LY75: variants seen among roughly 807,000 people sequenced by gnomAD.
LY75 encodes the protein C-type lectin domain family 13 member B.
In LY75, 185 loss-of-function variants were observed where a neutral mutation model predicts 231.7. The observed-to-expected ratio is 0.80, with a 90% CI of 0.71 to 0.90. LY75 has a LOEUF of 0.90. LY75 is among the 40% of genes least tolerant of loss of function. The pLI, the probability that LY75 is intolerant of heterozygous loss-of-function variation, is 0.00. For synonymous variants in LY75, 668 were observed against 689.0 expected, an observed-to-expected ratio of 0.97 and a Z score of 0.48; for missense variants, 1,947 against 2,050.2, an observed-to-expected ratio of 0.95 and a Z score of 0.97.
At chr2:159,877,727 G>A (rs529817099) in intron 11 of LY75, among the ~76,000 whole-genome samples, 1 of 151,962 alleles carries the variant, frequency 6.6e-6, no homozygotes, top group East Asian at 1.9e-4. Context: ...AAAGTAGCTG[G>A]GCATGTTGGC....
intron 8 of LY75, among the ~76,000 whole-genome samples, chr2:159,880,688 C>T (rs953522629): frequency 1.3e-5 from 2 of 152,202 alleles, no homozygotes; most frequent in African/African-American, 4.8e-5. Flanking sequence ...TGTTGCCAAC[C>T]TTTGACACCA....
At chr2:159,883,578 T>C (rs964484815) in intron 6 of LY75, among the ~76,000 whole-genome samples, 4 of 152,218 alleles carry the variant, frequency 2.6e-5, no homozygotes, top group African/African-American at 9.6e-5. Flanking sequence ...TCTTTGTATT[T>C]TCCTGCTGGC....
chr2:159,857,263 T>A (rs1334481924), intron 16 of LY75, among the ~76,000 whole-genome samples: 1 of 152,252 alleles, frequency 6.6e-6, no homozygotes, highest in African/African-American at 2.4e-5. Context: ...GAAGCTCTTT[T>A]AACTATTTTA....
intron 23 of LY75, among the ~76,000 whole-genome samples, chr2:159,844,170 G>C (rs999621848): frequency 6.6e-6 from 1 of 151,998 alleles, no homozygotes; most frequent in Non-Finnish European, 1.5e-5. Flanking sequence ...TCTATGAAGA[G>C]AGAGGAACAC....
chr2:159,899,835 G>A (rs925187605), intron 1 of LY75, among the ~76,000 whole-genome samples: 7 of 152,198 alleles, frequency 4.6e-5, no homozygotes, highest in Admixed American at 6.5e-5. Flanking sequence ...CAGAGGTCTG[G>A]GTTCTGAGGG....
chr2:159,852,712 C>G (rs1328801782), intron 20 of LY75, among the ~76,000 whole-genome samples: 1 of 152,196 alleles, frequency 6.6e-6, no homozygotes, highest in African/African-American at 2.4e-5. Flanking sequence ...AGCCACCGTG[C>G]CCGGCCAAGT....
At chr2:159,843,333 T>A (rs13389558) in intron 23 of LY75, among the ~76,000 whole-genome samples, 7,174 of 152,146 alleles carry the variant, frequency 0.047, 516 homozygotes, top group African/African-American at 0.16. Context: ...GGAGATTTTT[T>A]AAATACCATA....
intron 25 of LY75, among the ~76,000 whole-genome samples, chr2:159,836,261 C>T (rs1019109002): frequency 3.3e-5 from 5 of 152,104 alleles, no homozygotes; most frequent in East Asian, 1.9e-4. Context: ...GTGTAAAGCC[C>T]GCAACCCAGG....
chr2:159,857,328 G>C (rs980314492), intron 16 of LY75, among the ~76,000 whole-genome samples: 1 of 152,174 alleles, frequency 6.6e-6, no homozygotes, highest in African/African-American at 2.4e-5. Flanking sequence ...GGTTCTTTGA[G>C]AACTTGTAGG....
intron 33 of LY75, chr2:159,807,689 T>G: frequency 1.0e-6 from 1 of 979,334 alleles, no homozygotes; most frequent in Non-Finnish European, 1.2e-6. Flanking sequence ...ATGGACAACT[T>G]GGAATCCTTT....
chr2:159,814,183 G>A (rs537146200), intron 31 of LY75, among the ~76,000 whole-genome samples: 6 of 152,196 alleles, frequency 3.9e-5, no homozygotes, highest in East Asian at 3.9e-4. Context: ...TGCAGTCCCC[G>A]GTAGTTTGTT....
At chr2:159,890,914 C>T (rs1295646138) in intron 3 of LY75, among the ~76,000 whole-genome samples, 2 of 152,106 alleles carry the variant, frequency 1.3e-5, no homozygotes, top group Non-Finnish European at 2.9e-5. Context: ...ATGTAATTCA[C>T]ATTACATATG....
At chr2:159,858,551 T>C in intron 15 of LY75, 75 bp from the exon 16 acceptor site, 1 of 1,468,680 alleles carries the variant, frequency 6.8e-7, no homozygotes, top group Non-Finnish European at 9.0e-7. Context: ...GTAAGCCCTA[T>C]GACTTTGATC....
intron 4 of LY75, among the ~76,000 whole-genome samples, 188 bp downstream of exon 4, chr2:159,890,024 AC>A (rs1243761353): frequency 6.6e-6 from 1 of 152,250 alleles, no homozygotes; most frequent in African/African-American, 2.4e-5. Flanking sequence ...ATCACAAGAT[AC>A]ATTTCTCAAT....
chr2:159,874,652 T>TTGTAAATATATATATAGTAAATATA (rs1685176559), intron 12 of LY75, among the ~76,000 whole-genome samples: 4 of 132,694 alleles, frequency 3.0e-5, no homozygotes, highest in Admixed American at 1.6e-4. Context: ...TATATATATT[T>TTGTAAATATATATATAGTAAATATA]TGTAAATATA....
Position 159,862,783 on chromosome 2 carries a change from C to T in LY75, c.2200-1894G>A, listed in dbSNP as rs113192219. Among the ~76,000 whole-genome samples the T allele has an allele frequency of 4.7e-3, 716 of 152,196 alleles. 2 individuals carry two copies. The highest frequency in any genetic ancestry group is 0.016 in the African/African-American group (679 of 41,532). On this transcript the variant is annotated intron_variant, in intron 14 of 34. Coordinates refer to ENST00000263636, the MANE Select transcript of LY75 (RefSeq NM_002349.4). ...ACTAAATTTAGCTAATTAACAAATG[C>T]ATTATCTCACACAGTTATTTCTGTG...
chr2:159,882,210 G>C lies in LY75; in HGVS notation c.1160C>G (p.Ala387Gly), dbSNP rs760516310. The change falls in exon 7 of 35, where the codon GCG (alanine) becomes GGG (glycine). Residue 387 changes from alanine to glycine, a missense_variant. By Grantham distance (60) the Ala-to-Gly change is moderately conservative (BLOSUM62 0). Transcript: ENST00000263636. Reference sequence around the variant, plus strand: ...GTCACTACTGAAGGCTTTGCATTTCGCATGTGCCTTATCCCAGGAATTACT... The same window carrying C: ...GTCACTACTGAAGGCTTTGCATTTCCCATGTGCCTTATCCCAGGAATTACT... ...NESNSWDKAH[A>G]KCKAFSSDLI... 4 of 1,613,984 alleles carry C rather than the reference G, an allele frequency of 2.5e-6. No homozygotes were observed. In the South Asian group the frequency reaches 4.4e-5, roughly 18 times the overall value.
Position 159,848,759 on chromosome 2 carries a change from G to A in LY75, c.3150+1221C>T, listed in dbSNP as rs114328983. Reference sequence around the variant, plus strand: ...CTCAAATATGGTTGAGACTCATTTCGTATATCATGAAATCACTTAAGTGGA... The same window carrying A: ...CTCAAATATGGTTGAGACTCATTTCATATATCATGAAATCACTTAAGTGGA... On this transcript the variant is annotated intron_variant, in intron 23 of 34. Coordinates refer to ENST00000263636, the MANE Select transcript of LY75 (RefSeq NM_002349.4). Among the ~76,000 whole-genome samples, 882 of 152,180 alleles carry A rather than the reference G, an allele frequency of 5.8e-3. 12 individuals are homozygous for A. Among genetic ancestry groups the A allele is most frequent in the African/African-American group, 0.02 (842 of 41,512 alleles).
intron 1 of LY75, among the ~76,000 whole-genome samples, chr2:159,902,085 A>G (rs982243405): frequency 6.6e-6 from 1 of 152,354 alleles, no homozygotes; most frequent in Admixed American, 6.5e-5. Context: ...TTAGAAATAT[A>G]CTTTGAAAAG....
Sources: allele counts gnomAD v4.1 joint callset (sites outside exome capture counted in the v4.1 genomes callset), GRCh38; gene constraint gnomAD v4.1.1; transcripts MANE v1.5; gene names NCBI Gene and HGNC (gene_info 2026-07-23, HGNC 2026-07-21).